Variants in CNNM1 observed in about 807,000 individuals in gnomAD.
CNNM1 encodes metal transporter CNNM1.
A neutral mutation model predicts 78.8 loss-of-function variants in CNNM1; 44 were observed. That is an observed-to-expected ratio of 0.56 (90% CI 0.44 to 0.72). The LOEUF is 0.72. Among genes scored for constraint, CNNM1 ranks in the 30% least tolerant of loss-of-function variants. CNNM1 has a pLI of 0.00. For synonymous variants in CNNM1, 584 were observed against 581.5 expected (o/e 1.00, Z -0.06); for missense variants, 1,101 against 1,292.2 (o/e 0.85, Z 2.27).
chr10:99,349,997 TCAAAA>T (rs1314730011), intron 1 of CNNM1, among the ~76,000 whole-genome samples: 2 of 151,962 alleles, frequency 1.3e-5, no homozygotes, highest in African/African-American at 4.8e-5. Flanking sequence ...AGACTCAGTC[TCAAAA>T]CAAAACAAAA....
At chr10:99,379,277 A>C (rs2032067221) in intron 7 of CNNM1, among the ~76,000 whole-genome samples, 1 of 152,246 alleles carries the variant, frequency 6.6e-6, no homozygotes, top group South Asian at 2.1e-4. Context: ...CAGGCTAATG[A>C]GGGAGAAAGA....
intron 1 of CNNM1, among the ~76,000 whole-genome samples, chr10:99,354,573 A>C (rs1353961032): frequency 6.6e-6 from 1 of 152,220 alleles, no homozygotes; most frequent in Non-Finnish European, 1.5e-5. Flanking sequence ...TGTAGGACAC[A>C]TACATTGCTA....
At position 99,357,626 on chromosome 10, in the gene CNNM1, C is replaced by T. The variant is rs757320715; in HGVS notation, c.1688C>T (p.Ser563Leu). The T allele has an allele frequency of 6.8e-6, 11 of 1,612,728 alleles. 1 individual carries two copies. Among genetic ancestry groups the T allele is most frequent in the South Asian group, 3.3e-5 (3 of 90,762 alleles). The change falls in exon 2 of 11, where the codon TCG becomes TTG. Residue 563 changes from serine (S) to leucine (L), a missense_variant. Transcript: ENST00000356713. Reference sequence around the variant, plus strand: ...GATATCATAGAGGAGATTATCAAGTCGGAGATCCTGGATGAAACTGATCTC... The same window carrying T: ...GATATCATAGAGGAGATTATCAAGTTGGAGATCCTGGATGAAACTGATCTC... ...LEDIIEEIIK[S>L]EILDETDLYT...
At position 99,357,475 on chromosome 10, in the gene CNNM1, T is replaced by A; in HGVS notation, c.1574-37T>A. ...TCACAAAAAAAGATCTCTGAAAATGTCCCCGATACTTAACTGTGATTTCAT... is the reference window on the plus strand; with the variant it reads ...TCACAAAAAAAGATCTCTGAAAATGACCCCGATACTTAACTGTGATTTCAT... On this transcript the variant is annotated intron_variant, in intron 1 of 10. Transcript: ENST00000356713. 3.2e-6 allele frequency: 5 copies of A among 1,585,712 alleles called. No individual in the cohort carries two copies. In the South Asian group the frequency reaches 3.5e-5, roughly 11 times the overall value.
intron 1 of CNNM1, among the ~76,000 whole-genome samples, chr10:99,340,876 TCCTGCCTG>T (rs562170205): frequency 1.1e-3 from 158 of 138,254 alleles, no homozygotes; most frequent in African/African-American, 2.3e-3. Context: ...CTTCCTTCCT[TCCTGCCTG>T]CCTGCCTGCC....
intron 7 of CNNM1, among the ~76,000 whole-genome samples, chr10:99,384,975 G>A (rs535753875): frequency 6.6e-6 from 1 of 151,290 alleles, no homozygotes; most frequent in South Asian, 2.1e-4. Context: ...AGCCTGAAAC[G>A]AGAATTGCTT....
At chr10:99,364,635 C>T (rs544884511) in intron 5 of CNNM1, 119 bp downstream of exon 5, 3 of 799,334 alleles carry the variant, frequency 3.8e-6, no homozygotes, top group African/African-American at 1.7e-5. Flanking sequence ...AGCCATTTAA[C>T]TTCCTTGGCT....
chr10:99,350,691 C>T (rs940052079), intron 1 of CNNM1, among the ~76,000 whole-genome samples: 1 of 152,106 alleles, frequency 6.6e-6, no homozygotes, highest in Non-Finnish European at 1.5e-5. Flanking sequence ...AGGTTTGTTA[C>T]ATAGGTAAAC....
rs1458338761 is a variant in CNNM1 at position 99,391,680 on chromosome 10, C to T, written c.*164C>T. The T allele has an allele frequency of 6.6e-6, 4 of 607,524 alleles. No homozygotes were observed. Among genetic ancestry groups the T allele is most frequent in the Admixed American group, 3.0e-5 (1 of 33,328 alleles). The allele number at this position is 607,524 out of a possible 1,614,324, so 37.6% of individuals were successfully genotyped here. A position where few individuals can be genotyped will look rare whatever the true frequency, so the allele number is the denominator to read the frequency against. On this transcript the variant is annotated 3_prime_UTR_variant, in exon 11 of 11. Coordinates refer to ENST00000356713, the MANE Select transcript of CNNM1 (RefSeq NM_020348.3). The stretch of plus-strand genomic sequence containing the variant: ...GCTGTCAGTTTGGCAGATTTTCCCT[C>T]GTTACCTCCAGTTCGACTCAGAACC...
chr10:99,336,986 C>G (rs1186362810), intron 1 of CNNM1, among the ~76,000 whole-genome samples: 1 of 152,080 alleles, frequency 6.6e-6, no homozygotes, highest in Middle Eastern at 3.2e-3. Flanking sequence ...TTGATACTGG[C>G]CCTGGGCAAA....
intron 1 of CNNM1, among the ~76,000 whole-genome samples, chr10:99,341,332 G>A (rs1360085308): frequency 1.3e-5 from 2 of 152,060 alleles, no homozygotes; most frequent in East Asian, 1.9e-4. Flanking sequence ...TTCCCCCAGT[G>A]ACTCTCAACA....
rs1057328522 is a variant in CNNM1, at chr10:99,330,824, A to T, written c.1437A>T (p.Leu479Phe). ...GDQRHNIVDI[L>F]FVKDLAFVDP... ...AGCGGCACAACATTGTGGACATTTT[A>T]TTTGTCAAGGACTTGGCCTTCGTGG... The change falls in exon 1 of 11, where the codon TTA becomes TTT. Residue 479 changes from leucine (L) to phenylalanine (F), a missense_variant. Around this residue, in one of 3 missense-constraint regions of CNNM1, gnomAD observed 277 missense variants for 423.2 expected, o/e 0.65. Transcript: ENST00000356713. 8.7e-6 allele frequency: 14 copies of T among 1,614,000 alleles called. No individual in the cohort carries two copies. The African/African-American group carries it at 1.7e-4, about 20-fold the overall frequency.
chr10:99,384,200 G>A (rs1053022298), intron 7 of CNNM1, among the ~76,000 whole-genome samples: 9 of 152,188 alleles, frequency 5.9e-5, no homozygotes, highest in African/African-American at 1.7e-4. Context: ...TGAACAAGGG[G>A]AAGGAACTGA....
Position 99,377,201 on chromosome 10 carries a change from G to C in CNNM1, c.2323G>C (p.Asp775His), listed in dbSNP as rs775169506. Residue 775 changes from aspartate (D) to histidine (H), a missense_variant, in exon 7 of 11, where the codon GAT (aspartate) becomes CAT (histidine). Physicochemically the swap from Asp to His is moderately conservative, Grantham distance 81 (BLOSUM62 -1). Transcript: ENST00000356713. ...TGACTACTCAGTCCACATCCTCAGC[G>C]ATGTGCAGTTTGTGAAGGTAACTCC... ...MPDYSVHILS[D>H]VQFVKITRQQ... 2.5e-5 allele frequency: 41 copies of C among 1,613,610 alleles called. No individual in the cohort carries two copies. Among genetic ancestry groups the C allele is most frequent in the Non-Finnish European group, 3.5e-5 (41 of 1,179,796 alleles).
At chr10:99,364,577 G>A (rs2031551386) in intron 5 of CNNM1, 61 bp downstream of exon 5, 6 of 1,371,586 alleles carry the variant, frequency 4.4e-6, no homozygotes, top group Admixed American at 4.2e-5. Context: ...AAAGCACAGG[G>A]GTTCAAGTCT....
At position 99,339,094 on chromosome 10, in the gene CNNM1, T is replaced by C. The variant is rs184879698; in HGVS notation, c.1573+8134T>C. On this transcript the variant is annotated intron_variant, in intron 1 of 10. Coordinates refer to ENST00000356713, the MANE Select transcript of CNNM1 (RefSeq NM_020348.3). The stretch of plus-strand genomic sequence containing the variant: ...CAGCACTGACTGACATTTAACTCAA[T>C]TAAACAATTCAGCTTTGCTGGGCTA... 6.4e-4 allele frequency among the ~76,000 whole-genome samples: 97 copies of C among 152,342 alleles called. 1 individual carries two copies. Among genetic ancestry groups the C allele is most frequent in the African/African-American group, 2.1e-3 (88 of 41,582 alleles).
Position 99,390,347 on chromosome 10 carries a change from A to T in CNNM1, c.2716A>T (p.Thr906Ser). Residue 906 changes from threonine to serine, a missense_variant, in exon 10 of 11, where the codon ACC (threonine) becomes TCC (serine). Around this residue, in one of 3 missense-constraint regions of CNNM1, gnomAD observed 348 missense variants for 384.5 expected, o/e 0.90. Coordinates refer to ENST00000356713, the MANE Select transcript of CNNM1 (RefSeq NM_020348.3). ...ECCNINLDTE[T>S]SPCSSDFEEN... ...TTGTAACATCAACCTGGATACAGAG[A>T]CCAGCCCCTGCAGTAGCGATTTTGA... is the stretch of plus-strand genomic sequence containing the variant. The T allele has an allele frequency of 1.9e-6, 3 of 1,613,386 alleles. No individual in the cohort carries two copies. The highest frequency in any genetic ancestry group is 2.5e-6 in the Non-Finnish European group (3 of 1,179,686).
chr10:99,359,180 A>AAT (rs10625985), intron 2 of CNNM1, among the ~76,000 whole-genome samples: 88,439 of 151,064 alleles, frequency 0.59, 25,954 homozygotes, highest in South Asian at 0.63. Flanking sequence ...AAATCTAAGG[A>AAT]GAAGGGGGCG....
intron 1 of CNNM1, among the ~76,000 whole-genome samples, chr10:99,340,890 C>CTGCCTGCCTGCCTGCT (rs2030429060): frequency 6.6e-6 from 1 of 151,092 alleles, no homozygotes; most frequent in Non-Finnish European, 1.5e-5. Flanking sequence ...GCCTGCCTGC[C>CTGCCTGCCTGCCTGCT]TGCCTGCCTG....
Sources: gnomAD v4.1 joint callset for allele counts (sites outside exome capture counted in the v4.1 genomes callset) on GRCh38, gnomAD v4.1.1 for gene constraint, gnomAD v4.1.1 regional missense constraint, MANE v1.5 for transcripts, NCBI Gene and HGNC (gene_info 2026-07-23, HGNC 2026-07-21) for gene names.